The following TANGO6 variants were observed in gnomAD, a reference collection of about 807,000 sequenced individuals.
TANGO6 encodes the protein transport and golgi organization 6 homolog.
TANGO6 carries 90 observed loss-of-function variants against 114.2 expected under a neutral mutation model. The ratio of observed to expected loss-of-function variants is 0.79; its 90% CI spans 0.66 to 0.94. The LOEUF is 0.94. TANGO6 is among the 40% of genes least tolerant of loss of function. TANGO6 has a pLI of 0.00. For synonymous variants in TANGO6, 477 were observed against 509.8 expected (o/e 0.94, Z 0.87); for missense variants, 1,274 against 1,315.3 (o/e 0.97, Z 0.49).
chr16:68,956,335 A>C (rs2152207396), intron 14 of TANGO6, among the ~76,000 whole-genome samples: 1 of 152,328 alleles, frequency 6.6e-6, no homozygotes, highest in East Asian at 1.9e-4. Flanking sequence ...CATTTGCTTG[A>C]AATTAAGCTG....
At chr16:69,049,642 G>A (rs908996589) in intron 17 of TANGO6, among the ~76,000 whole-genome samples, 1 of 151,900 alleles carries the variant, frequency 6.6e-6, no homozygotes, top group African/African-American at 2.4e-5. Flanking sequence ...ATGTTGGCCA[G>A]GCTGGTCTTG....
intron 6 of TANGO6, 131 bp downstream of exon 6, chr16:68,878,411 T>C: frequency 8.9e-7 from 1 of 1,118,526 alleles, no homozygotes; most frequent in Non-Finnish European, 1.2e-6. Flanking sequence ...CTTTTTATTT[T>C]GACAAATTCA....
At chr16:68,927,440 A>G in intron 12 of TANGO6, 128 bp from the exon 13 acceptor site, 2 of 952,212 alleles carry the variant, frequency 2.1e-6, no homozygotes, top group South Asian at 3.3e-5. Flanking sequence ...CCCAGGCAAT[A>G]CACTGATTAC....
At chr16:69,081,717 A>AT (rs1269808869) in intron 17 of TANGO6, among the ~76,000 whole-genome samples, 1 of 151,938 alleles carries the variant, frequency 6.6e-6, no homozygotes, top group Admixed American at 6.6e-5. Context: ...AGCCAGGAGG[A>AT]TTTTTTAGGG....
chr16:68,862,461 T>C (rs770250101), intron 2 of TANGO6, among the ~76,000 whole-genome samples: 28 of 151,778 alleles, frequency 1.8e-4, no homozygotes, highest in Non-Finnish European at 3.8e-4. Context: ...CCTCCCAAAG[T>C]GCTGGGATTA....
At chr16:68,968,965 T>C (rs529098034) in intron 14 of TANGO6, among the ~76,000 whole-genome samples, 2 of 152,240 alleles carry the variant, frequency 1.3e-5, no homozygotes, top group African/African-American at 4.8e-5. Context: ...CCACCGCGCC[T>C]GGCCACCTAA....
intron 1 of TANGO6, among the ~76,000 whole-genome samples, chr16:68,847,181 C>T (rs1310291498): frequency 6.6e-6 from 1 of 152,168 alleles, no homozygotes; most frequent in Non-Finnish European, 1.5e-5. Context: ...TGAGCCACCG[C>T]GCCCGGCCAA....
chr16:68,851,715 C>T (rs1002292452), intron 1 of TANGO6, among the ~76,000 whole-genome samples: 1 of 152,090 alleles, frequency 6.6e-6, no homozygotes, highest in African/African-American at 2.4e-5. Flanking sequence ...AAGGGAAATG[C>T]CTATGTAATT....
chr16:68,847,872 C>T (rs138539707), intron 1 of TANGO6, among the ~76,000 whole-genome samples: 5,485 of 151,986 alleles, frequency 0.036, 131 homozygotes, highest in East Asian at 0.072. Flanking sequence ...TGGTGGCATG[C>T]GCCGGTAGTC....
Position 68,878,415 on chromosome 16 carries a change from A to G in TANGO6, c.1294+135A>G, listed in dbSNP as rs897043721. Reference sequence around the variant, plus strand: ...CCTCCCCCCAACTTTTTATTTTGACAAATTCACTTACAAGTTTCAAGAAGA... The same window carrying G: ...CCTCCCCCCAACTTTTTATTTTGACGAATTCACTTACAAGTTTCAAGAAGA... On this transcript the variant is annotated intron_variant, in intron 6 of 17. Coordinates refer to ENST00000261778, the MANE Select transcript of TANGO6 (RefSeq NM_024562.2). The G allele has an allele frequency of 3.7e-6, 4 of 1,067,074 alleles. No individual in the cohort carries two copies. In the East Asian group the frequency reaches 1.1e-4, roughly 29 times the overall value. 66.1% of individuals were successfully genotyped at this position (1,067,074 alleles called of 1,614,324 possible).
At chr16:69,005,952 AT>A (rs1339562558) in intron 15 of TANGO6, among the ~76,000 whole-genome samples, 1 of 152,118 alleles carries the variant, frequency 6.6e-6, no homozygotes, top group African/African-American at 2.4e-5. Context: ...TAATACTAAT[AT>A]TTTTTCAAAA....
chr16:68,952,936 A>G (rs1479064841), intron 14 of TANGO6, among the ~76,000 whole-genome samples: 1 of 152,112 alleles, frequency 6.6e-6, no homozygotes, highest in Non-Finnish European at 1.5e-5. Context: ...CACTATTGAT[A>G]ACCTTTAAAT....
chr16:68,878,207 A>G lies in TANGO6; in HGVS notation c.1221A>G (p.Glu407=), dbSNP rs1962399671. The G allele has an allele frequency of 6.2e-7, 1 of 1,613,568 alleles. No individual in the cohort carries two copies. Residue 407 remains glutamate, a synonymous_variant, in exon 6 of 18, where the codon GAA becomes GAG. Transcript: ENST00000261778. ...ATTTFITLSR[E]RPHLAAKYLL... ...CTACCTTTATAACTTTGTCAAGAGA[A>G]CGCCCACATTTGGCAGCAAAGTATT...
Position 68,875,286 on chromosome 16 carries a change from C to G in TANGO6, c.1127C>G (p.Pro376Arg). Residue 376 changes from proline to arginine, a missense_variant, in exon 5 of 18, where the codon CCC (proline) becomes CGC (arginine). Physicochemically the swap from Pro to Arg is moderately radical, Grantham distance 103 (BLOSUM62 -2). Transcript: ENST00000261778. ...GAGAATTACTACAGGGACATCTGCC[C>G]CCAGGTAAATCTTTTTGTTTCTATT... Reference protein sequence around the residue: ...SPENYYRDICPQVLDLFHFQD... With the variant: ...SPENYYRDICRQVLDLFHFQD... 6.2e-7 allele frequency: 1 copy of G among 1,612,144 alleles called. No individual in the cohort carries two copies. The highest frequency in any genetic ancestry group is 8.5e-7 in the Non-Finnish European group (1 of 1,178,756).
intron 12 of TANGO6, 47 bp downstream of exon 12, chr16:68,919,266 C>A (rs769054664): frequency 6.3e-7 from 1 of 1,592,750 alleles, no homozygotes; most frequent in Non-Finnish European, 8.6e-7. Context: ...AAGGGAGAAG[C>A]GAAATACCAG....
intron 7 of TANGO6, among the ~76,000 whole-genome samples, chr16:68,895,863 A>G (rs372684701): frequency 1.3e-5 from 2 of 152,334 alleles, no homozygotes; most frequent in East Asian, 3.8e-4. Flanking sequence ...TTTAATTGAC[A>G]CATAATTGTA....
At chr16:68,858,522 C>T (rs1288067738) in intron 1 of TANGO6, among the ~76,000 whole-genome samples, 1 of 152,206 alleles carries the variant, frequency 6.6e-6, no homozygotes, top group Non-Finnish European at 1.5e-5. Flanking sequence ...ATTAATTTCT[C>T]AGTTGTGCTT....
chr16:68,870,759 T>C (rs1962253699), intron 4 of TANGO6, among the ~76,000 whole-genome samples: 1 of 152,114 alleles, frequency 6.6e-6, no homozygotes, highest in African/African-American at 2.4e-5. Flanking sequence ...GCCTGAACTT[T>C]AGTTGCCATT....
chr16:68,879,285 C>T (rs916486494), intron 6 of TANGO6, among the ~76,000 whole-genome samples: 6 of 151,456 alleles, frequency 4.0e-5, no homozygotes, highest in African/African-American at 1.5e-4. Flanking sequence ...AGTTTGCAAC[C>T]AGGCTGGGTA....
Sources: gnomAD v4.1 joint callset for allele counts (sites outside exome capture counted in the v4.1 genomes callset) on GRCh38, gnomAD v4.1.1 for gene constraint, MANE v1.5 for transcripts, NCBI Gene and HGNC (gene_info 2026-07-23, HGNC 2026-07-21) for gene names.